WDR93: variants seen among roughly 807,000 people sequenced by gnomAD.
WDR93 encodes the protein WD repeat domain 93.
In WDR93, 73 loss-of-function variants were observed where a neutral mutation model predicts 82.9. The ratio of observed to expected loss-of-function variants is 0.88; its 90% CI spans 0.73 to 1.07. The LOEUF (loss-of-function observed/expected upper bound fraction) is 1.07. Among genes scored for constraint, WDR93 ranks in the 50% least tolerant of loss-of-function variants. The probability of loss-of-function intolerance (pLI) is 0.00; values close to 1 mark genes in which losing one functional copy is unlikely to be tolerated. For missense variants in WDR93, 738 were observed against 826.0 expected (o/e 0.89, Z 1.31); for synonymous variants, 283 against 300.1 (o/e 0.94, Z 0.59).
In WDR93 at chr15:89,703,376, T is replaced by C. The variant is rs933682335; in HGVS notation, c.496+234T>C. The stretch of plus-strand genomic sequence containing the variant: ...CTTAGGGGGGAAGTAAAATTTTTTA[T>C]TCCTGTTCAGAAGAGGCAACTGACT... On this transcript the variant is annotated intron_variant, in intron 3 of 16. Transcript: ENST00000268130. 5 of 557,858 alleles carry C rather than the reference T, an allele frequency of 9.0e-6. No individual in the cohort carries two copies. The African/African-American group carries it at 9.4e-5, about 11-fold the overall frequency. The allele number at this position is 557,858 out of a possible 1,614,324, so 34.6% of individuals were successfully genotyped here. A position where few individuals can be genotyped will look rare whatever the true frequency, so the allele number is the denominator to read the frequency against.
chr15:89,729,658 T>G (rs201254079), intron 10 of WDR93, 25 bp from the exon 11 acceptor site: 2 of 1,598,108 alleles, frequency 1.3e-6, no homozygotes, highest in Admixed American at 3.3e-5. Flanking sequence ...ACCCATTTTC[T>G]GTCTTTCCCC....
intron 1 of WDR93, among the ~76,000 whole-genome samples, chr15:89,693,911 G>C (rs1040875092): frequency 1.3e-5 from 2 of 152,152 alleles, no homozygotes; most frequent in Non-Finnish European, 2.9e-5. Flanking sequence ...AAGTTAACAT[G>C]GAGGATTAGC....
In WDR93 at chr15:89,743,363, C is replaced by T. The variant is rs770221706; in HGVS notation, c.2033C>T (p.Ser678Leu). 2.3e-5 allele frequency: 37 copies of T among 1,614,026 alleles called. No homozygotes were observed. Among genetic ancestry groups the T allele is most frequent in the Admixed American group, 5.0e-5 (3 of 59,990 alleles). ...HWARLQRYSL[S>L]LQRENFKK ...GCCCGGCTTCAGAGGTACTCCTTGT[C>T]GCTCCAGAGAGAGAACTTCAAGAAG... The change falls in exon 17 of 17, where the codon TCG becomes TTG. Residue 678 changes from serine to leucine, a missense_variant. Transcript: ENST00000268130.
At chr15:89,736,945 G>C (rs1025544496) in intron 14 of WDR93, among the ~76,000 whole-genome samples, 20 of 152,068 alleles carry the variant, frequency 1.3e-4, no homozygotes, top group South Asian at 1.2e-3. Context: ...GTGCCCGCTA[G>C]CACGCCAGGC....
At chr15:89,725,259 G>A (rs1439690300) in intron 8 of WDR93, among the ~76,000 whole-genome samples, 6 of 152,258 alleles carry the variant, frequency 3.9e-5, no homozygotes, top group Middle Eastern at 3.4e-3. Context: ...AATGAAAAAT[G>A]AACAAACTGC....
intron 5 of WDR93, among the ~76,000 whole-genome samples, 177 bp downstream of exon 5, chr15:89,712,281 T>G (rs965439620): frequency 3.3e-5 from 5 of 151,976 alleles, no homozygotes; most frequent in African/African-American, 1.2e-4. Context: ...ATATTAATGT[T>G]CAACATGGCC....
intron 5 of WDR93, among the ~76,000 whole-genome samples, chr15:89,712,591 A>G (rs1353954082): frequency 6.6e-6 from 1 of 151,930 alleles, no homozygotes; most frequent in Admixed American, 6.6e-5. Context: ...TATTTTTCTC[A>G]TAATTCAACT....
At chr15:89,740,424 G>T (rs1037041564) in intron 16 of WDR93, among the ~76,000 whole-genome samples, 2 of 152,186 alleles carry the variant, frequency 1.3e-5, no homozygotes, top group Non-Finnish European at 2.9e-5. Context: ...TGAAGAAGGC[G>T]ATGGTTGACA....
In WDR93 at chr15:89,728,564, TGTTA is replaced by T. The variant is rs1230348030; in HGVS notation, c.1053-455_1053-452del. 3.9e-5 allele frequency among the ~76,000 whole-genome samples: 6 copies of T among 152,238 alleles called. No individual in the cohort carries two copies. In the East Asian group the frequency reaches 1.2e-3, roughly 29 times the overall value. ...TTTTGCAAGCCAGTTGTTAAACCAC[TGTTA>T]GTTGTCCATTGTGGGAGCATTGACA... On this transcript the variant is annotated intron_variant, in intron 9 of 16. Coordinates refer to ENST00000268130, the MANE Select transcript of WDR93 (RefSeq NM_020212.2).
intron 16 of WDR93, among the ~76,000 whole-genome samples, 170 bp from the exon 17 acceptor site, chr15:89,743,121 CT>C (rs1416816098): frequency 6.6e-6 from 1 of 152,242 alleles, no homozygotes; most frequent in African/African-American, 2.4e-5. Flanking sequence ...CAGGAAAGGC[CT>C]TCTGAGCACC....
chr15:89,737,337 G>A (rs1247290746), intron 14 of WDR93, among the ~76,000 whole-genome samples: 1 of 152,214 alleles, frequency 6.6e-6, no homozygotes, highest in African/African-American at 2.4e-5. Flanking sequence ...AAAAGGGGAG[G>A]AATGCATAGC....
chr15:89,695,650 T>C (rs1965131540), intron 1 of WDR93, among the ~76,000 whole-genome samples: 1 of 152,198 alleles, frequency 6.6e-6, no homozygotes, highest in Non-Finnish European at 1.5e-5. Context: ...TGAACTTGTA[T>C]CTTACCACCT....
chr15:89,723,788 T>C (rs1159874860), intron 8 of WDR93, among the ~76,000 whole-genome samples: 1 of 152,198 alleles, frequency 6.6e-6, no homozygotes, highest in African/African-American at 2.4e-5. Context: ...TGGCTGTTTA[T>C]GTGGAGACAA....
chr15:89,736,262 G>A (rs1567130330), intron 14 of WDR93, among the ~76,000 whole-genome samples: 1 of 152,194 alleles, frequency 6.6e-6, no homozygotes, highest in Non-Finnish European at 1.5e-5. Context: ...GCTTGCAGAG[G>A]TGATTCCCCA....
Position 89,727,280 on chromosome 15 carries a change from C to T in WDR93, c.1004C>T (p.Ala335Val), listed in dbSNP as rs776178217. The change falls in exon 9 of 17, where the codon GCT (alanine) becomes GTT (valine). Residue 335 changes from alanine to valine, a missense_variant. By Grantham distance (64) the Ala-to-Val change is moderately conservative. Transcript: ENST00000268130. ...GAGCAGCAAGCTGAGATCTTCAACG[C>T]TTCCTACAAGAAGTACCTAGATAGG... ...QWEQQAEIFN[A>V]SYKKYLDREW... 7.4e-6 allele frequency: 12 copies of T among 1,614,180 alleles called. No individual in the cohort carries two copies. Among genetic ancestry groups the T allele is most frequent in the Non-Finnish European group, 1.0e-5 (12 of 1,180,028 alleles).
chr15:89,718,043 T>C (rs927447019), intron 7 of WDR93, among the ~76,000 whole-genome samples: 1 of 152,116 alleles, frequency 6.6e-6, no homozygotes, highest in African/African-American at 2.4e-5. Context: ...CTTTTTTCCC[T>C]TTCAAAGTTA....
intron 5 of WDR93, among the ~76,000 whole-genome samples, chr15:89,712,396 C>CTTTTTTTTTTTTTTTTTTTTTTT (rs1170109589): frequency 2.5e-5 from 2 of 80,514 alleles, no homozygotes; most frequent in Admixed American, 1.6e-4. Context: ...TTCCACTAAT[C>CTTTTTTTTTTTTTTTTTTTTTTT]TTTTTTTTTT....
intron 7 of WDR93, among the ~76,000 whole-genome samples, chr15:89,717,295 G>A (rs1966310152): frequency 6.6e-6 from 1 of 152,038 alleles, no homozygotes; most frequent in South Asian, 2.1e-4. Flanking sequence ...CCCGACCTCA[G>A]GTGATCTGCC....
chr15:89,736,339 G>A (rs1967170524), intron 14 of WDR93, among the ~76,000 whole-genome samples: 1 of 152,166 alleles, frequency 6.6e-6, no homozygotes, highest in Non-Finnish European at 1.5e-5. Context: ...CCTACGGAGG[G>A]TGAGGGGCCT....
Sources: allele counts gnomAD v4.1 joint callset (sites outside exome capture counted in the v4.1 genomes callset), GRCh38; gene constraint gnomAD v4.1.1; transcripts MANE v1.5; gene names NCBI Gene and HGNC (gene_info 2026-07-23, HGNC 2026-07-21).